The following CTNND2 variants were observed in gnomAD, a reference collection of about 807,000 sequenced individuals.
CTNND2 encodes the protein catenin delta 2.
A neutral mutation model predicts 144.4 loss-of-function variants in CTNND2; 22 were observed. That is an observed-to-expected ratio of 0.15 (90% confidence interval 0.11 to 0.22). The LOEUF (loss-of-function observed/expected upper bound fraction) is 0.22. Ranked by LOEUF, CTNND2 falls within the 10% of genes least tolerant of loss-of-function variation. The pLI is 1.00. For missense variants in CTNND2, 1,353 were observed against 1,618.8 expected, an observed-to-expected ratio of 0.84 and a Z score of 2.82; for synonymous variants, 751 against 695.6, an observed-to-expected ratio of 1.08 and a Z score of -1.25.
intron 14 of CTNND2, among the ~76,000 whole-genome samples, chr5:11,103,423 C>T (rs1225509803): frequency 6.6e-6 from 1 of 151,996 alleles, no homozygotes; most frequent in Non-Finnish European, 1.5e-5. Flanking sequence ...ATAATCCGAG[C>T]ACTTTGGGAG....
chr5:11,482,571 GAGA>G (rs897344546), intron 3 of CTNND2, among the ~76,000 whole-genome samples: 2 of 152,082 alleles, frequency 1.3e-5, no homozygotes, highest in Non-Finnish European at 2.9e-5. Flanking sequence ...GCAGACTCCT[GAGA>G]AGGACACACG....
At chr5:11,071,667 G>C (rs142555655) in intron 16 of CTNND2, among the ~76,000 whole-genome samples, 1 of 151,870 alleles carries the variant, frequency 6.6e-6, no homozygotes, top group African/African-American at 2.4e-5. Context: ...AAAGGTAAGC[G>C]TGGCAGCAGT....
At position 11,044,611 on chromosome 5, in the gene CTNND2, G is replaced by A. The variant is rs150701813; in HGVS notation, c.2789-21632C>T. On this transcript the variant is annotated intron_variant, in intron 16 of 21. Coordinates refer to ENST00000304623, the MANE Select transcript of CTNND2 (RefSeq NM_001332.4). Reference sequence around the variant, plus strand: ...TAAGTCTGAAGATTCAGTGATGTTTGTTTGGTTTTACAAAATTCCATTAGT... The same window carrying A: ...TAAGTCTGAAGATTCAGTGATGTTTATTTGGTTTTACAAAATTCCATTAGT... Among the ~76,000 whole-genome samples, 214 of 151,802 alleles carry A rather than the reference G, an allele frequency of 1.4e-3. 1 individual carries two copies. Among genetic ancestry groups the A allele is most frequent in the Middle Eastern group, 6.9e-3 (2 of 290 alleles).
Position 11,116,687 on chromosome 5 carries a change from A to G in CTNND2, c.2277+763T>C, listed in dbSNP as rs535597703. On this transcript the variant is annotated intron_variant, in intron 13 of 21. Transcript: ENST00000304623. ...ATTTAGCATTGTGACATTTATTTAG[A>G]TCTTGCAGGCCTTTTAAAATGGCAC... 3.9e-5 allele frequency among the ~76,000 whole-genome samples: 6 copies of G among 152,322 alleles called. No homozygotes were observed. In the South Asian group the frequency reaches 1.2e-3, roughly 32 times the overall value.
intron 9 of CTNND2, among the ~76,000 whole-genome samples, chr5:11,323,390 C>G (rs1183476623): frequency 6.6e-6 from 1 of 152,070 alleles, no homozygotes; most frequent in Non-Finnish European, 1.5e-5. Context: ...CTCTTAAATT[C>G]AAAGCATCCC....
At chr5:11,772,960 C>T (rs1027748627) in intron 1 of CTNND2, among the ~76,000 whole-genome samples, 1 of 152,138 alleles carries the variant, frequency 6.6e-6, no homozygotes, top group Admixed American at 6.5e-5. Flanking sequence ...GCATCTTTTT[C>T]TCAAAGAGCA....
In CTNND2 at chr5:11,391,877, GT is replaced by G. The variant is rs61749820; in HGVS notation, c.612+5153del. Among the ~76,000 whole-genome samples the G allele has an allele frequency of 2.6e-3, 398 of 152,322 alleles. 13 individuals carry two copies. The East Asian group carries it at 0.05, about 19-fold the overall frequency. On this transcript the variant is annotated intron_variant, in intron 6 of 21. Transcript: ENST00000304623. ...TGTCCCACTGACACTGAAAGGTGGT[GT>G]CCACAACAAACTGAACTTAAGTAAC... is the stretch of plus-strand genomic sequence containing the variant.
At chr5:11,155,309 T>C (rs1580439484) in intron 12 of CTNND2, among the ~76,000 whole-genome samples, 1 of 152,326 alleles carries the variant, frequency 6.6e-6, no homozygotes, top group East Asian at 1.9e-4. Context: ...CCTCACTCTA[T>C]ATGAAATTCA....
chr5:11,192,706 C>T (rs1207337871), intron 11 of CTNND2, among the ~76,000 whole-genome samples: 1 of 152,094 alleles, frequency 6.6e-6, no homozygotes, highest in East Asian at 1.9e-4. Context: ...ATGGACTGTC[C>T]CCTAGAGCGT....
At chr5:11,578,244 C>T (rs1778115335) in intron 2 of CTNND2, among the ~76,000 whole-genome samples, 1 of 152,150 alleles carries the variant, frequency 6.6e-6, no homozygotes, top group African/African-American at 2.4e-5. Context: ...TAAAATTGTA[C>T]CCTAACGTAA....
At chr5:11,586,896 C>T (rs1427158105) in intron 2 of CTNND2, among the ~76,000 whole-genome samples, 2 of 151,682 alleles carry the variant, frequency 1.3e-5, no homozygotes, top group East Asian at 3.9e-4. Context: ...AAAGGGCCTA[C>T]TTAGTATGTT....
chr5:11,824,939 G>C (rs1793521556), intron 1 of CTNND2, among the ~76,000 whole-genome samples: 1 of 152,120 alleles, frequency 6.6e-6, no homozygotes, highest in Admixed American at 6.6e-5. Context: ...GTACACATCT[G>C]AGCCTGTAGT....
At chr5:11,757,436 T>C (rs4702821) in intron 1 of CTNND2, among the ~76,000 whole-genome samples, 133,235 of 151,762 alleles carry the variant, frequency 0.88, 60,604 homozygotes, top group Non-Finnish European at 0.99. Context: ...TTTATAAGGG[T>C]GTATGTGTGT....
chr5:11,690,991 C>T (rs979320521), intron 2 of CTNND2, among the ~76,000 whole-genome samples: 4 of 152,138 alleles, frequency 2.6e-5, no homozygotes, highest in Admixed American at 2.0e-4. Context: ...ATGAGAGCTG[C>T]ATTGTTTTGT....
chr5:11,498,140 G>T (rs1770159815), intron 3 of CTNND2, among the ~76,000 whole-genome samples: 1 of 152,136 alleles, frequency 6.6e-6, no homozygotes, highest in South Asian at 2.1e-4. Flanking sequence ...GGCATTCAAG[G>T]CCCCTGAGTT....
At chr5:11,423,354 A>G (rs943871439) in intron 3 of CTNND2, among the ~76,000 whole-genome samples, 1 of 152,232 alleles carries the variant, frequency 6.6e-6, no homozygotes, top group Non-Finnish European at 1.5e-5. Flanking sequence ...AGCTCACTGC[A>G]TCTCTCAGGT....
At chr5:11,561,040 T>A (rs1248290080) in intron 3 of CTNND2, among the ~76,000 whole-genome samples, 1 of 152,162 alleles carries the variant, frequency 6.6e-6, no homozygotes, top group Non-Finnish European at 1.5e-5. Flanking sequence ...GGACGAGGAC[T>A]GGATGGCTCA....
intron 1 of CTNND2, among the ~76,000 whole-genome samples, chr5:11,885,909 C>T (rs756670056): frequency 5.9e-5 from 9 of 152,036 alleles, no homozygotes; most frequent in Non-Finnish European, 1.0e-4. Context: ...AATTAAGCAA[C>T]ACGGTTCTGA....
At chr5:11,859,453 G>A (rs1444735606) in intron 1 of CTNND2, among the ~76,000 whole-genome samples, 1 of 152,144 alleles carries the variant, frequency 6.6e-6, no homozygotes, top group African/African-American at 2.4e-5. Flanking sequence ...AATTATTGTA[G>A]GAAGAATAAA....
Sources: allele counts gnomAD v4.1 joint callset (sites outside exome capture counted in the v4.1 genomes callset), GRCh38; gene constraint gnomAD v4.1.1; transcripts MANE v1.5; gene names NCBI Gene and HGNC (gene_info 2026-07-23, HGNC 2026-07-21).